Variants in FGD5 observed in about 807,000 individuals in gnomAD.
FGD5 encodes FYVE, RhoGEF and PH domain-containing protein 5.
In FGD5, 28 loss-of-function variants were observed where a neutral mutation model predicts 133.4. The observed-to-expected ratio is 0.21, with a 90% CI of 0.16 to 0.29. The LOEUF is 0.29. Among genes scored for constraint, FGD5 ranks in the 10% least tolerant of loss-of-function variants. FGD5 has a pLI of 1.00. For missense variants in FGD5, 1,858 were observed against 1,895.2 expected (o/e 0.98, Z 0.36); for synonymous variants, 810 against 776.5 (o/e 1.04, Z -0.72).
At chr3:14,874,882 C>T (rs1253977148) in intron 2 of FGD5, among the ~76,000 whole-genome samples, 2 of 152,206 alleles carry the variant, frequency 1.3e-5, no homozygotes, top group Non-Finnish European at 2.9e-5. Context: ...GGAAACTGAC[C>T]AGCTGGTCCT....
In FGD5 at chr3:14,917,221, T is replaced by A. The variant is rs1440572879; in HGVS notation, c.3406-28T>A. On this transcript the variant is annotated intron_variant, in intron 11 of 19. Coordinates refer to ENST00000285046, the MANE Select transcript of FGD5 (RefSeq NM_152536.4). This position sits in a 1 kb window ranked among gnomAD's most constrained non-coding sequence, Gnocchi z 4.1. ...CTGGCGCAGCCTTCTGGGGCCAGGG[T>A]CCTCTCATAGGGTTTCCCTCTCTCC... The A allele has an allele frequency of 2.5e-6, 4 of 1,602,212 alleles. No individual in the cohort carries two copies. In the East Asian group the frequency reaches 9.0e-5, roughly 36 times the overall value.
intron 1 of FGD5, among the ~76,000 whole-genome samples, chr3:14,826,479 G>A (rs2036600030): frequency 6.6e-6 from 1 of 152,138 alleles, no homozygotes; most frequent in African/African-American, 2.4e-5. Flanking sequence ...CTGGGTATTG[G>A]TCTACACTTA....
At chr3:14,921,473 T>G in intron 13 of FGD5, 1 of 178,484 alleles carries the variant, frequency 5.6e-6, no homozygotes, top group Non-Finnish European at 1.2e-5. Flanking sequence ...TGTGGGGAGA[T>G]GAGGAAGGTG....
At chr3:14,814,079 G>A (rs186276222), upstream of FGD5, among the ~76,000 whole-genome samples, 47 of 152,240 alleles carry the variant, frequency 3.1e-4, no homozygotes, top group Non-Finnish European at 6.6e-4. Flanking sequence ...TTGCCAGGAG[G>A]CCCTGGGCAT....
intron 9 of FGD5, 64 bp downstream of exon 9, chr3:14,901,125 G>A (rs988514717): frequency 1.9e-5 from 30 of 1,568,554 alleles, no homozygotes; most frequent in African/African-American, 5.4e-5. Context: ...CACCAGCTCC[G>A]GTCAGCCTTC....
chr3:14,930,927 T>C (rs2038890407), intron 18 of FGD5: 1 of 152,234 alleles, frequency 6.6e-6, no homozygotes, highest in Non-Finnish European at 1.5e-5. Context: ...AAACTGATTA[T>C]CTTGTGACCT....
chr3:14,876,702 A>G (rs1221454043), intron 2 of FGD5, among the ~76,000 whole-genome samples: 1 of 152,202 alleles, frequency 6.6e-6, no homozygotes, highest in Non-Finnish European at 1.5e-5. Flanking sequence ...ACTTAAATGA[A>G]TAATATCTAG....
rs567154369 is a variant in FGD5 at position 14,824,175 on chromosome 3, G to A, written c.2525+2579G>A. Among the ~76,000 whole-genome samples the A allele has an allele frequency of 9.8e-5, 15 of 152,316 alleles. No homozygotes were observed. The South Asian group carries it at 1.9e-3, about 19-fold the overall frequency. On this transcript the variant is annotated intron_variant, in intron 1 of 19. Coordinates refer to ENST00000285046, the MANE Select transcript of FGD5 (RefSeq NM_152536.4). ...CAGTCAGTGAGCAAAGCTTTCTTCC[G>A]CTTTCCTACATGAAACAGATGAAAG...
Position 14,922,168 on chromosome 3 carries a change from T to A in FGD5, c.3669+151T>A. ...CCACACCCCTGCCATGCTCCCACCC[T>A]AGTCAGGGGCGGCCTCCGTGTAACC... is the stretch of plus-strand genomic sequence containing the variant. On this transcript the variant is annotated intron_variant, in intron 14 of 19. Coordinates refer to ENST00000285046, the MANE Select transcript of FGD5 (RefSeq NM_152536.4). The surrounding 1 kb of genome is among the most constrained non-coding windows in gnomAD (Gnocchi z 4.1). 1 of 988,600 alleles carries A rather than the reference T, an allele frequency of 1.0e-6. No homozygotes were observed. Among genetic ancestry groups the A allele is most frequent in the Non-Finnish European group, 1.5e-6 (1 of 667,064 alleles). The allele number at this position is 988,600 out of a possible 1,614,324, so 61.2% of individuals were successfully genotyped here. A position where few individuals can be genotyped will look rare whatever the true frequency, so the allele number is the denominator to read the frequency against.
intron 1 of FGD5, among the ~76,000 whole-genome samples, chr3:14,852,720 G>A (rs2037190167): frequency 6.6e-6 from 1 of 152,184 alleles, no homozygotes; most frequent in African/African-American, 2.4e-5. Context: ...AGTGAGAAAT[G>A]GAAATTGAAT....
intron 4 of FGD5, among the ~76,000 whole-genome samples, chr3:14,891,531 T>C (rs755433668): frequency 6.6e-6 from 1 of 152,210 alleles, no homozygotes; most frequent in Non-Finnish European, 1.5e-5. Flanking sequence ...GACCTTCACG[T>C]TGGGGCTAGA....
At chr3:14,926,445 G>C (rs1027906125) in intron 18 of FGD5, among the ~76,000 whole-genome samples, 4 of 152,228 alleles carry the variant, frequency 2.6e-5, no homozygotes, top group South Asian at 2.1e-4. Context: ...GACATGCCAA[G>C]CTGTGCCGCA....
intron 4 of FGD5, among the ~76,000 whole-genome samples, chr3:14,891,650 G>T (rs758543672): frequency 6.6e-6 from 1 of 152,188 alleles, no homozygotes; most frequent in East Asian, 1.9e-4. Flanking sequence ...CACCCTCCTC[G>T]TGTCCTCCCC....
chr3:14,890,411 C>G (rs958854620), intron 4 of FGD5, among the ~76,000 whole-genome samples: 4 of 152,196 alleles, frequency 2.6e-5, no homozygotes, highest in Admixed American at 2.0e-4. Context: ...CCACTGTTTC[C>G]TCCGGGCTTG....
At position 14,902,171 on chromosome 3, in the gene FGD5, A is replaced by G. The variant is rs550123623; in HGVS notation, c.3264+1110A>G. ...GTGGCACACACCTTTAGTCCCAGCTATTTGGGAGGCTGAGGCTAGAGAATC... is the reference window on the plus strand; with the variant it reads ...GTGGCACACACCTTTAGTCCCAGCTGTTTGGGAGGCTGAGGCTAGAGAATC... On this transcript the variant is annotated intron_variant, in intron 9 of 19. Coordinates refer to ENST00000285046, the MANE Select transcript of FGD5 (RefSeq NM_152536.4). 9.2e-5 allele frequency among the ~76,000 whole-genome samples: 14 copies of G among 151,606 alleles called. No individual in the cohort carries two copies. In the South Asian group the frequency reaches 2.7e-3, roughly 29 times the overall value.
chr3:14,897,431 G>C, intron 4 of FGD5, 78 bp from the exon 5 acceptor site: 1 of 1,523,200 alleles, frequency 6.6e-7, no homozygotes, highest in Non-Finnish European at 8.9e-7. Flanking sequence ...GGGCTCCAAA[G>C]CCCCAGGGGA....
intron 1 of FGD5, among the ~76,000 whole-genome samples, chr3:14,839,417 T>G (rs982798106): frequency 1.3e-5 from 2 of 152,182 alleles, no homozygotes; most frequent in Non-Finnish European, 2.9e-5. Flanking sequence ...CCCAGAAGGT[T>G]TGACTGTCGT....
chr3:14,846,473 T>C (rs2037053769), intron 1 of FGD5, among the ~76,000 whole-genome samples: 1 of 152,230 alleles, frequency 6.6e-6, no homozygotes, highest in South Asian at 2.1e-4. Context: ...TCAGAACCCA[T>C]ATTTCAAAGC....
intron 2 of FGD5, among the ~76,000 whole-genome samples, chr3:14,866,420 G>C (rs945692702): frequency 1.3e-5 from 2 of 152,074 alleles, no homozygotes; most frequent in African/African-American, 4.8e-5. Context: ...CTGGACATTG[G>C]CTATTACCCA....
Sources: allele counts gnomAD v4.1 joint callset (sites outside exome capture counted in the v4.1 genomes callset), GRCh38; gene constraint gnomAD v4.1.1; non-coding constraint Gnocchi (gnomAD v3.1); transcripts MANE v1.5; gene names NCBI Gene and HGNC (gene_info 2026-07-23, HGNC 2026-07-21).